MGAT4C: variants seen among roughly 807,000 people sequenced by gnomAD.
MGAT4C encodes alpha-1,3-mannosyl-glycoprotein 4-beta-N-acetylglucosaminyltransferase C.
Under a neutral mutation model 40.1 loss-of-function variants are expected in MGAT4C, and 19 were observed. That is an observed-to-expected ratio of 0.47 (90% CI 0.33 to 0.70). MGAT4C has a LOEUF of 0.70. Among genes scored for constraint, MGAT4C ranks in the 30% least tolerant of loss-of-function variants. MGAT4C has a pLI of 0.02. For missense variants in MGAT4C, 491 were observed against 563.2 expected (o/e 0.87, Z 1.30); for synonymous variants, 181 against 187.1 (o/e 0.97, Z 0.27).
rs866429217 is a variant in MGAT4C, at chr12:86,543,469, A to G, written c.-228-108204T>C. On this transcript the variant is annotated intron_variant, in intron 2 of 7. Transcript: ENST00000548651. ...TTATTCTGTTTCTCTTTTTTAAGAC[A>G]TGGTATTTAGCTATCTTTGAGGGTT... 8.8e-4 allele frequency among the ~76,000 whole-genome samples: 134 copies of G among 152,040 alleles called. 1 individual carries two copies. Among genetic ancestry groups the G allele is most frequent in the African/African-American group, 3.1e-3 (128 of 41,522 alleles).
chr12:86,260,595 T>C (rs1330790056), upstream of MGAT4C, among the ~76,000 whole-genome samples: 1 of 152,134 alleles, frequency 6.6e-6, no homozygotes, highest in Non-Finnish European at 1.5e-5. Context: ...GAGTTAGTTA[T>C]TATCTGCACT....
chr12:86,302,773 C>G (rs1363004548), intron 4 of MGAT4C, among the ~76,000 whole-genome samples: 1 of 150,466 alleles, frequency 6.6e-6, no homozygotes, highest in Non-Finnish European at 1.5e-5. Context: ...ACTTACTGAT[C>G]TCACCCGATT....
chr12:86,582,527 G>A (rs550527630), intron 2 of MGAT4C, among the ~76,000 whole-genome samples: 1 of 151,354 alleles, frequency 6.6e-6, no homozygotes, highest in Non-Finnish European at 1.5e-5. Context: ...ACAGTTGGAA[G>A]GGAACAGAAG....
chr12:86,472,958 C>T (rs931651651), intron 2 of MGAT4C, among the ~76,000 whole-genome samples: 12 of 151,842 alleles, frequency 7.9e-5, no homozygotes, highest in African/African-American at 2.4e-4. Context: ...TATTTATTTA[C>T]GTATTTATTT....
chr12:86,225,654 G>A (rs968623082), intron 1 of MGAT4C, among the ~76,000 whole-genome samples: 8 of 152,084 alleles, frequency 5.3e-5, no homozygotes, highest in East Asian at 3.9e-4. Context: ...AAAACCAATC[G>A]ATGTGATACA....
intron 2 of MGAT4C, among the ~76,000 whole-genome samples, chr12:86,611,420 G>GTAGATAGA (rs1394083425): frequency 2.7e-5 from 4 of 146,938 alleles, no homozygotes; most frequent in Non-Finnish European, 6.0e-5. Context: ...AGGTAGGTAG[G>GTAGATAGA]TAGATAGATA....
At chr12:86,157,205 T>G (rs1235684014) in intron 1 of MGAT4C, among the ~76,000 whole-genome samples, 1 of 152,164 alleles carries the variant, frequency 6.6e-6, no homozygotes, top group Non-Finnish European at 1.5e-5. Flanking sequence ...GAAAGTGCAT[T>G]CATGAACTAA....
intron 1 of MGAT4C, among the ~76,000 whole-genome samples, chr12:86,098,516 T>G (rs1183340224): frequency 6.6e-6 from 1 of 151,638 alleles, no homozygotes; most frequent in Non-Finnish European, 1.5e-5. Context: ...TTGGTTCCCC[T>G]TGTTTCCACA....
intron 2 of MGAT4C, among the ~76,000 whole-genome samples, chr12:86,537,117 A>G (rs1224581151): frequency 6.6e-6 from 1 of 151,542 alleles, no homozygotes; most frequent in African/African-American, 2.4e-5. Context: ...AAACTATCGC[A>G]AGGACAAAAA....
chr12:86,151,119 A>G (rs1434010924), intron 1 of MGAT4C, among the ~76,000 whole-genome samples: 2 of 152,174 alleles, frequency 1.3e-5, no homozygotes, highest in Admixed American at 1.3e-4. Context: ...CCAGGTATAC[A>G]AAAATATTCT....
At chr12:86,277,527 A>C (rs981434725) in intron 4 of MGAT4C, among the ~76,000 whole-genome samples, 3 of 152,016 alleles carry the variant, frequency 2.0e-5, no homozygotes, top group African/African-American at 7.2e-5. Flanking sequence ...TCATAGTTTG[A>C]GGTTTTAGAT....
intron 1 of MGAT4C, among the ~76,000 whole-genome samples, chr12:86,195,873 C>T (rs1219438204): frequency 1.3e-5 from 2 of 152,118 alleles, no homozygotes; most frequent in Non-Finnish European, 2.9e-5. Context: ...TATGTATTTA[C>T]TCTACCTAGA....
At chr12:86,232,558 T>C (rs1951366206) in intron 1 of MGAT4C, among the ~76,000 whole-genome samples, 1 of 152,118 alleles carries the variant, frequency 6.6e-6, no homozygotes, top group South Asian at 2.1e-4. Flanking sequence ...CAGATAAATA[T>C]GGGGAAAATG....
intron 2 of MGAT4C, among the ~76,000 whole-genome samples, chr12:86,611,339 C>G (rs74698427): frequency 0.12 from 17,970 of 151,808 alleles, 1,752 homozygotes; most frequent in African/African-American, 0.27. Context: ...CACACACACA[C>G]GTATGATAGA....
intron 1 of MGAT4C, among the ~76,000 whole-genome samples, chr12:86,203,864 C>G (rs200117858): frequency 6.7e-6 from 1 of 149,868 alleles, no homozygotes. Context: ...GGCTGAGGCA[C>G]GAGAATCACT....
intron 2 of MGAT4C, among the ~76,000 whole-genome samples, chr12:86,467,588 T>C (rs974510104): frequency 2.6e-5 from 4 of 152,160 alleles, no homozygotes; most frequent in Non-Finnish European, 4.4e-5. Flanking sequence ...ATAAACATTA[T>C]TGTAAATACA....
chr12:86,180,854 T>G (rs1469218729), intron 1 of MGAT4C, among the ~76,000 whole-genome samples: 4 of 152,152 alleles, frequency 2.6e-5, no homozygotes, highest in Non-Finnish European at 5.9e-5. Flanking sequence ...TGGGTTAATG[T>G]TGAAATGAGT....
At chr12:86,038,540 C>CTTTATTTATTTATTTATTTATTTA (rs143349417) in intron 2 of MGAT4C, among the ~76,000 whole-genome samples, 14 of 144,194 alleles carry the variant, frequency 9.7e-5, no homozygotes, top group African/African-American at 3.5e-4. Context: ...TCAACCCTTG[C>CTTTATTTATTTATTTATTTATTTA]TTTATTTATT....
intron 1 of MGAT4C, among the ~76,000 whole-genome samples, chr12:86,790,507 A>G (rs1952004533): frequency 6.6e-6 from 1 of 152,072 alleles, no homozygotes; most frequent in Non-Finnish European, 1.5e-5. Flanking sequence ...TCATCTTAAA[A>G]CTCAGGCTTT....
Sources: gnomAD v4.1 joint callset for allele counts (sites outside exome capture counted in the v4.1 genomes callset) on GRCh38, gnomAD v4.1.1 for gene constraint, MANE v1.5 for transcripts, NCBI Gene and HGNC (gene_info 2026-07-23, HGNC 2026-07-21) for gene names.